The following ASAP1 variants were observed in gnomAD, a reference collection of about 807,000 sequenced individuals.
ASAP1 encodes ArfGAP with SH3 domain, ankyrin repeat and PH domain 1, also known as arf-GAP with SH3 domain, ANK repeat and PH domain-containing protein 1.
In ASAP1, 43 loss-of-function variants were observed where a neutral mutation model predicts 145.2. The observed-to-expected ratio is 0.30, with a 90% CI of 0.23 to 0.38. The LOEUF is 0.38. Ranked by LOEUF, ASAP1 falls within the 10% of genes least tolerant of loss-of-function variation. ASAP1 has a pLI of 1.00. For synonymous variants in ASAP1, 546 were observed against 515.5 expected (o/e 1.06, Z -0.80); for missense variants, 1,018 against 1,355.3 (o/e 0.75, Z 3.91).
At chr8:130,059,211 C>CTA (rs1405360759) in intron 28 of ASAP1, among the ~76,000 whole-genome samples, 2 of 151,650 alleles carry the variant, frequency 1.3e-5, no homozygotes, top group Non-Finnish European at 2.9e-5. Flanking sequence ...GTTGCCCAGG[C>CTA]TAGAGTGCAG....
intron 3 of ASAP1, among the ~76,000 whole-genome samples, chr8:130,266,572 A>G (rs1465514058): frequency 6.6e-6 from 1 of 152,200 alleles, no homozygotes; most frequent in East Asian, 1.9e-4. Flanking sequence ...AATTTCCCAC[A>G]GAGAAAGCCC....
chr8:130,188,669 G>A (rs1489329479), intron 5 of ASAP1, among the ~76,000 whole-genome samples: 1 of 123,736 alleles, frequency 8.1e-6, no homozygotes, highest in Non-Finnish European at 1.7e-5. Flanking sequence ...GGGAGGCGGA[G>A]GTTGCAGTGA....
intron 24 of ASAP1, among the ~76,000 whole-genome samples, chr8:130,105,291 G>A (rs540127122): frequency 9.8e-5 from 15 of 152,314 alleles, no homozygotes; most frequent in Non-Finnish European, 2.1e-4. Flanking sequence ...GGTATAACAA[G>A]TAATCTAGAG....
At chr8:130,091,909 C>T in intron 25 of ASAP1, 64 bp downstream of exon 25, 1 of 1,449,616 alleles carries the variant, frequency 6.9e-7, no homozygotes, top group South Asian at 1.5e-5. Context: ...CAGGCCACTG[C>T]CCAGTGGAGC....
chr8:130,169,126 C>A, intron 9 of ASAP1, 59 bp from the exon 10 acceptor site: 1 of 1,079,458 alleles, frequency 9.3e-7, no homozygotes, highest in Non-Finnish European at 1.4e-6. Flanking sequence ...GTATTTGTTT[C>A]CTTATGTGGA....
intron 23 of ASAP1, 26 bp from the exon 24 acceptor site, chr8:130,112,348 A>G: frequency 6.2e-7 from 1 of 1,603,510 alleles, no homozygotes; most frequent in Non-Finnish European, 8.5e-7. Flanking sequence ...AGAAGGTGAG[A>G]TAATAATCAA....
chr8:130,282,651 T>A (rs2137201089), intron 3 of ASAP1, among the ~76,000 whole-genome samples: 1 of 152,280 alleles, frequency 6.6e-6, no homozygotes, highest in East Asian at 1.9e-4. Flanking sequence ...TCAAAACCAA[T>A]CACTGATTTG....
chr8:130,387,654 C>T (rs1271081517), intron 2 of ASAP1, among the ~76,000 whole-genome samples: 1 of 137,804 alleles, frequency 7.3e-6, no homozygotes, highest in South Asian at 2.5e-4. Flanking sequence ...GAGACTCCAT[C>T]TCAGAAAAAA....
intron 27 of ASAP1, among the ~76,000 whole-genome samples, chr8:130,073,184 G>C (rs1407540539): frequency 1.3e-5 from 2 of 151,876 alleles, no homozygotes; most frequent in African/African-American, 4.8e-5. Context: ...GAGGTCAGGA[G>C]TTCAAGACCA....
chr8:130,173,986 C>A (rs1813774350), intron 9 of ASAP1, among the ~76,000 whole-genome samples: 1 of 147,876 alleles, frequency 6.8e-6, no homozygotes, highest in Admixed American at 6.9e-5. Flanking sequence ...GAGGCTGAGG[C>A]AGGAGGACTG....
At chr8:130,076,489 AG>A in intron 26 of ASAP1, 83 bp from the exon 27 acceptor site, 1 of 1,030,010 alleles carries the variant, frequency 9.7e-7, no homozygotes, top group Non-Finnish European at 1.5e-6. Flanking sequence ...ATCAAATCAA[AG>A]GTATTTACAT....
chr8:130,389,803 C>T (rs1167806994), intron 2 of ASAP1, among the ~76,000 whole-genome samples: 1 of 152,202 alleles, frequency 6.6e-6, no homozygotes, highest in Non-Finnish European at 1.5e-5. Flanking sequence ...CAGGCTCAAG[C>T]AATCCTTCCA....
intron 5 of ASAP1, among the ~76,000 whole-genome samples, chr8:130,207,635 G>A (rs1012987892): frequency 5.3e-5 from 8 of 152,176 alleles, no homozygotes; most frequent in Non-Finnish European, 1.0e-4. Flanking sequence ...CAAGTAAGAT[G>A]CTGAGTATTT....
chr8:130,127,072 G>A (rs537398011), intron 16 of ASAP1, among the ~76,000 whole-genome samples: 6 of 152,298 alleles, frequency 3.9e-5, no homozygotes, highest in African/African-American at 1.2e-4. Flanking sequence ...GTTAGCTGTT[G>A]CCAATACACT....
intron 3 of ASAP1, among the ~76,000 whole-genome samples, chr8:130,339,848 C>G (rs1026906628): frequency 6.6e-6 from 1 of 152,120 alleles, no homozygotes; most frequent in Non-Finnish European, 1.5e-5. Flanking sequence ...TAAGATTACA[C>G]TATTTCCCTT....
intron 2 of ASAP1, among the ~76,000 whole-genome samples, chr8:130,382,630 TG>T (rs1446383449): frequency 6.6e-6 from 1 of 152,168 alleles, no homozygotes; most frequent in African/African-American, 2.4e-5. Context: ...GCGGATCACT[TG>T]AGGCCAGGAG....
At chr8:130,439,602 T>C (rs1830425952) in intron 1 of ASAP1, among the ~76,000 whole-genome samples, 1 of 151,756 alleles carries the variant, frequency 6.6e-6, no homozygotes, top group South Asian at 2.1e-4. Context: ...GTAACTTCAG[T>C]TGAACACACA....
intron 27 of ASAP1, among the ~76,000 whole-genome samples, chr8:130,070,123 G>A (rs902198598): frequency 6.6e-6 from 1 of 151,996 alleles, no homozygotes; most frequent in Non-Finnish European, 1.5e-5. Flanking sequence ...TGCAAGCTCC[G>A]CCTCCCGGGT....
chr8:130,274,891 TG>T (rs1236293850), intron 3 of ASAP1, among the ~76,000 whole-genome samples: 2 of 152,224 alleles, frequency 1.3e-5, no homozygotes, highest in African/African-American at 4.8e-5. Flanking sequence ...TGGGTGGAAA[TG>T]GAGGATAAAC....
Sources: gnomAD v4.1 joint callset for allele counts (sites outside exome capture counted in the v4.1 genomes callset) on GRCh38, gnomAD v4.1.1 for gene constraint, MANE v1.5 for transcripts, NCBI Gene and HGNC (gene_info 2026-07-23, HGNC 2026-07-21) for gene names.